Variants in ELOVL6 observed in about 807,000 individuals in gnomAD.
ELOVL6 encodes ELOVL fatty acid elongase 6.
Under a neutral mutation model 31.7 loss-of-function variants are expected in ELOVL6, and 8 were observed. That is an observed-to-expected ratio of 0.25 (90% CI 0.15 to 0.45). ELOVL6 has a LOEUF of 0.45. Among genes scored for constraint, ELOVL6 ranks in the 20% least tolerant of loss-of-function variants. The probability of loss-of-function intolerance (pLI) is 1.00; values close to 1 mark genes in which losing one functional copy is unlikely to be tolerated. For synonymous variants in ELOVL6, 101 were observed against 117.7 expected (o/e 0.86, Z 0.92); for missense variants, 126 against 326.4 (o/e 0.39, Z 4.73).
rs752939362 is a variant in ELOVL6 at position 110,139,433 on chromosome 4, C to T, written c.90-33805G>A. On this transcript the variant is annotated intron_variant, in intron 1 of 3. Coordinates refer to ENST00000302274, the MANE Select transcript of ELOVL6 (RefSeq NM_024090.3). ...TTATTTAAGTTTATTTTATTTCTAT[C>T]GTAGTTTTCCCTGTTAAAGATTTTT... Among the ~76,000 whole-genome samples, 29 of 152,196 alleles carry T rather than the reference C, an allele frequency of 1.9e-4. 2 individuals carry two copies. The highest frequency in any genetic ancestry group is 4.6e-4 in the Admixed American group (7 of 15,284).
At chr4:110,156,863 C>T (rs1758440517) in intron 1 of ELOVL6, among the ~76,000 whole-genome samples, 1 of 152,122 alleles carries the variant, frequency 6.6e-6, no homozygotes, top group South Asian at 2.1e-4. Context: ...AACTGAAAAG[C>T]ATCCACACTG....
chr4:110,121,701 A>G (rs1757363190), intron 1 of ELOVL6, among the ~76,000 whole-genome samples: 1 of 152,194 alleles, frequency 6.6e-6, no homozygotes, highest in Admixed American at 6.5e-5. Flanking sequence ...TCTGTCTCAA[A>G]AAAAAAGTAG....
intron 1 of ELOVL6, among the ~76,000 whole-genome samples, chr4:110,126,309 G>A (rs2126255666): frequency 6.6e-6 from 1 of 152,280 alleles, no homozygotes; most frequent in Admixed American, 6.5e-5. Context: ...GCCTCCCAAA[G>A]TGCTGAGATT....
At chr4:110,054,379 A>C (rs2126219847) in intron 3 of ELOVL6, among the ~76,000 whole-genome samples, 1 of 152,324 alleles carries the variant, frequency 6.6e-6, no homozygotes, top group African/African-American at 2.4e-5. Flanking sequence ...TTTCTGTATA[A>C]GTACTACTCT....
In ELOVL6 at chr4:110,198,484, C is replaced by A; in HGVS notation, c.-149G>T. ...GCTCGGTCTCCAGCGGTCGTCTCTT[C>A]TCCCAGCCTCTCAGCTACATCCAGG... On this transcript the variant is annotated 5_prime_UTR_variant, in exon 1 of 4. Coordinates refer to ENST00000302274, the MANE Select transcript of ELOVL6 (RefSeq NM_024090.3). The A allele has an allele frequency of 1.7e-6, 1 of 596,668 alleles. No homozygotes were observed. The highest frequency in any genetic ancestry group is 2.0e-5 in the South Asian group (1 of 50,606). The allele number at this position is 596,668 out of a possible 1,614,324, so 37.0% of individuals were successfully genotyped here.
chr4:110,171,783 TC>T (rs138728471), intron 1 of ELOVL6, among the ~76,000 whole-genome samples: 2,787 of 141,452 alleles, frequency 0.02, 77 homozygotes, highest in African/African-American at 0.067. Flanking sequence ...AGCCTCTGCC[TC>T]CTGTGCTCTT....
intron 2 of ELOVL6, among the ~76,000 whole-genome samples, chr4:110,094,675 C>G (rs902107789): frequency 3.3e-5 from 5 of 151,176 alleles, no homozygotes; most frequent in African/African-American, 1.2e-4. Flanking sequence ...AAGGGCCAGG[C>G]TGTGTAGGGC....
chr4:110,186,194 C>G (rs1759433620), intron 1 of ELOVL6, among the ~76,000 whole-genome samples: 1 of 151,574 alleles, frequency 6.6e-6, no homozygotes, highest in South Asian at 2.1e-4. Context: ...CGTCCCAAAA[C>G]AAAACAAGAC....
At position 110,143,940 on chromosome 4, in the gene ELOVL6, G is replaced by A. The variant is rs143525084; in HGVS notation, c.90-38312C>T. On this transcript the variant is annotated intron_variant, in intron 1 of 3. Coordinates refer to ENST00000302274, the MANE Select transcript of ELOVL6 (RefSeq NM_024090.3). Reference sequence around the variant, plus strand: ...CATAGTGGCAATGTCTGTAATCCCAGCTACTCGGGAGGCTGAGGCAGGAGA... The same window carrying A: ...CATAGTGGCAATGTCTGTAATCCCAACTACTCGGGAGGCTGAGGCAGGAGA... 2.5e-4 allele frequency among the ~76,000 whole-genome samples: 38 copies of A among 151,532 alleles called. No individual in the cohort carries two copies. In the East Asian group the frequency reaches 7.4e-3, roughly 30 times the overall value.
At chr4:110,126,818 TATC>T (rs1757510922) in intron 1 of ELOVL6, among the ~76,000 whole-genome samples, 1 of 152,182 alleles carries the variant, frequency 6.6e-6, no homozygotes, top group Non-Finnish European at 1.5e-5. Context: ...TTCATGCTTT[TATC>T]ATGATGATTT....
At chr4:110,158,583 A>C (rs1758525211) in intron 1 of ELOVL6, among the ~76,000 whole-genome samples, 1 of 146,568 alleles carries the variant, frequency 6.8e-6, no homozygotes, top group Non-Finnish European at 1.5e-5. Context: ...CTATATATAT[A>C]TGTATATATA....
At chr4:110,083,774 G>T (rs1755961550) in intron 2 of ELOVL6, among the ~76,000 whole-genome samples, 1 of 150,314 alleles carries the variant, frequency 6.7e-6, no homozygotes, top group Admixed American at 6.7e-5. Flanking sequence ...TGATGATGGT[G>T]GTGGTTAGTA....
At chr4:110,075,937 T>A (rs1755613821) in intron 2 of ELOVL6, among the ~76,000 whole-genome samples, 1 of 152,242 alleles carries the variant, frequency 6.6e-6, no homozygotes, top group East Asian at 1.9e-4. Context: ...TGACATGTGC[T>A]TTTGATGAAA....
intron 2 of ELOVL6, among the ~76,000 whole-genome samples, chr4:110,060,564 T>A (rs1487505531): frequency 6.6e-6 from 1 of 152,132 alleles, no homozygotes; most frequent in Admixed American, 6.5e-5. Flanking sequence ...ATCAGAGAAC[T>A]GGTAAGGAAA....
chr4:110,139,407 CTTA>C (rs1174686155), intron 1 of ELOVL6, among the ~76,000 whole-genome samples: 4 of 152,136 alleles, frequency 2.6e-5, no homozygotes, highest in Admixed American at 6.6e-5. Flanking sequence ...CTTTCCTTCT[CTTA>C]TTTAAGTTTA....
chr4:110,084,311 A>AAATTTGATATATATATC (rs1756101233), intron 2 of ELOVL6, among the ~76,000 whole-genome samples: 1 of 108,748 alleles, frequency 9.2e-6, no homozygotes, highest in Non-Finnish European at 1.8e-5. Flanking sequence ...TATAACATAT[A>AAATTTGATATATATATC]ACATATATAA....
At chr4:110,078,628 C>T (rs1755729025) in intron 2 of ELOVL6, among the ~76,000 whole-genome samples, 1 of 152,164 alleles carries the variant, frequency 6.6e-6, no homozygotes, top group South Asian at 2.1e-4. Context: ...CCAGCCACTG[C>T]AAAAACATGC....
chr4:110,099,875 T>TA (rs951741985), intron 2 of ELOVL6, among the ~76,000 whole-genome samples: 33 of 152,336 alleles, frequency 2.2e-4, no homozygotes, highest in African/African-American at 7.0e-4. Flanking sequence ...GAACAGGGGA[T>TA]AGGCACCTTG....
At chr4:110,110,562 T>A (rs1467702909) in intron 1 of ELOVL6, among the ~76,000 whole-genome samples, 2 of 151,804 alleles carry the variant, frequency 1.3e-5, no homozygotes, top group African/African-American at 4.8e-5. Flanking sequence ...TGCGCCTGAT[T>A]CTTTTAATTT....
Sources: allele counts gnomAD v4.1 joint callset (sites outside exome capture counted in the v4.1 genomes callset), GRCh38; gene constraint gnomAD v4.1.1; transcripts MANE v1.5; gene names NCBI Gene and HGNC (gene_info 2026-07-23, HGNC 2026-07-21).